The following NALF1 variants were observed in gnomAD, a reference collection of about 807,000 sequenced individuals.
NALF1 encodes the protein NALCN channel auxiliary factor 1, also known as family with sequence similarity 155 member A.
NALF1 carries 3 observed loss-of-function variants against 48.4 expected under a neutral mutation model. That is an observed-to-expected ratio of 0.06 (90% CI 0.03 to 0.16). The LOEUF is 0.16. NALF1 is among the 10% of genes least tolerant of loss of function. The probability of loss-of-function intolerance (pLI) is 1.00; values close to 1 mark genes in which losing one functional copy is unlikely to be tolerated. For missense variants in NALF1, 526 were observed against 571.5 expected (o/e 0.92, Z 0.81); for synonymous variants, 262 against 245.7 (o/e 1.07, Z -0.62).
At chr13:107,744,242 T>C (rs188576402) in intron 1 of NALF1, among the ~76,000 whole-genome samples, 29 of 152,304 alleles carry the variant, frequency 1.9e-4, no homozygotes, top group African/African-American at 7.0e-4. Context: ...GAATTTTCAT[T>C]TGCAAGAAAG....
intron 1 of NALF1, among the ~76,000 whole-genome samples, chr13:107,270,872 T>A (rs1003072267): frequency 1.2e-4 from 18 of 147,788 alleles, no homozygotes; most frequent in African/African-American, 4.2e-4. Context: ...TGTCCATGTG[T>A]TCTCATTGTT....
intron 1 of NALF1, among the ~76,000 whole-genome samples, chr13:107,543,847 G>C (rs1370561228): frequency 3.3e-5 from 5 of 151,722 alleles, no homozygotes; most frequent in African/African-American, 2.4e-5. Context: ...AAAACCTCTA[G>C]AGTTCTCAAA....
intron 1 of NALF1, among the ~76,000 whole-genome samples, chr13:107,698,187 T>C (rs998613040): frequency 2.6e-5 from 4 of 152,194 alleles, no homozygotes; most frequent in Non-Finnish European, 5.9e-5. Flanking sequence ...TGATAGAAAT[T>C]TAAGTTGTTT....
Position 107,361,756 on chromosome 13 carries a change from A to G in NALF1, c.916-151001T>C, listed in dbSNP as rs369438758. Among the ~76,000 whole-genome samples the G allele has an allele frequency of 1.4e-4, 22 of 152,326 alleles. No homozygotes were observed. In the East Asian group the frequency reaches 4.1e-3, roughly 28 times the overall value. Reference sequence around the variant, plus strand: ...ATATTAAGATCTCAATTTATAAGTAAGAAATCTAGTTAAGCCATTATCAAA... The same window carrying G: ...ATATTAAGATCTCAATTTATAAGTAGGAAATCTAGTTAAGCCATTATCAAA... On this transcript the variant is annotated intron_variant, in intron 1 of 2. Coordinates refer to ENST00000375915, the MANE Select transcript of NALF1 (RefSeq NM_001080396.3).
intron 1 of NALF1, among the ~76,000 whole-genome samples, chr13:107,794,309 T>A (rs1362934282): frequency 6.6e-6 from 1 of 152,158 alleles, no homozygotes; most frequent in Non-Finnish European, 1.5e-5. Context: ...ACCAGGGTTA[T>A]TTTCCTGTAG....
intron 1 of NALF1, among the ~76,000 whole-genome samples, chr13:107,619,482 T>C (rs1879467996): frequency 6.6e-6 from 1 of 152,146 alleles, no homozygotes; most frequent in Non-Finnish European, 1.5e-5. Context: ...TCGGTGGGCA[T>C]TTTGGAAGGA....
intron 1 of NALF1, among the ~76,000 whole-genome samples, chr13:107,241,676 C>T (rs1880474472): frequency 6.6e-6 from 1 of 152,212 alleles, no homozygotes; most frequent in African/African-American, 2.4e-5. Flanking sequence ...GTCTGTACTG[C>T]AGTTGCTTAG....
chr13:107,293,276 A>G (rs1881665002), intron 1 of NALF1, among the ~76,000 whole-genome samples: 1 of 152,094 alleles, frequency 6.6e-6, no homozygotes, highest in South Asian at 2.1e-4. Context: ...CACCGCGCTC[A>G]GCCAACTCTG....
chr13:107,848,102 GC>G (rs2138639906), intron 1 of NALF1, among the ~76,000 whole-genome samples: 1 of 152,260 alleles, frequency 6.6e-6, no homozygotes, highest in Non-Finnish European at 1.5e-5. Flanking sequence ...TTCATTGTTT[GC>G]CACTTTCAGC....
intron 1 of NALF1, among the ~76,000 whole-genome samples, chr13:107,800,855 A>C (rs778462081): frequency 4.0e-5 from 6 of 151,476 alleles, no homozygotes; most frequent in African/African-American, 7.3e-5. Flanking sequence ...TACTTGGTTT[A>C]AGTTATAGTA....
intron 1 of NALF1, among the ~76,000 whole-genome samples, chr13:107,482,400 C>T (rs1885267610): frequency 6.6e-6 from 1 of 152,128 alleles, no homozygotes; most frequent in South Asian, 2.1e-4. Context: ...TCGACTAATA[C>T]ACCCAGGGGC....
chr13:107,186,757 G>A (rs764822589), intron 2 of NALF1, among the ~76,000 whole-genome samples: 1 of 152,154 alleles, frequency 6.6e-6, no homozygotes, highest in Non-Finnish European at 1.5e-5. Flanking sequence ...ATAAAAAATT[G>A]TTACAGACAT....
chr13:107,176,705 G>C (rs1468969150), intron 2 of NALF1, among the ~76,000 whole-genome samples: 1 of 151,850 alleles, frequency 6.6e-6, no homozygotes, highest in African/African-American at 2.4e-5. Context: ...TGGCAGGTAA[G>C]AAAATCTCAA....
At position 107,488,692 on chromosome 13, in the gene NALF1, C is replaced by T. The variant is rs377334309; in HGVS notation, c.916-277937G>A. Among the ~76,000 whole-genome samples, 17 of 152,196 alleles carry T rather than the reference C, an allele frequency of 1.1e-4. No individual in the cohort carries two copies. In the South Asian group the frequency reaches 1.7e-3, roughly 15 times the overall value. Reference sequence around the variant, plus strand: ...GTACTAAATGGGCAAAAACTGCAAGCATTCCCCTTGAAAACTGGCACAAGA... The same window carrying T: ...GTACTAAATGGGCAAAAACTGCAAGTATTCCCCTTGAAAACTGGCACAAGA... On this transcript the variant is annotated intron_variant, in intron 1 of 2. Transcript: ENST00000375915.
chr13:107,537,127 G>A (rs1386881074), intron 1 of NALF1, among the ~76,000 whole-genome samples: 2 of 152,028 alleles, frequency 1.3e-5, no homozygotes, highest in African/African-American at 4.8e-5. Flanking sequence ...TATACCTAAT[G>A]TAAATGACGA....
intron 1 of NALF1, among the ~76,000 whole-genome samples, chr13:107,804,930 T>A (rs1437923432): frequency 6.6e-6 from 1 of 152,192 alleles, no homozygotes; most frequent in East Asian, 1.9e-4. Context: ...GCCTTATATA[T>A]TTAATCATAA....
At chr13:107,326,607 A>G (rs918147340) in intron 1 of NALF1, among the ~76,000 whole-genome samples, 1 of 152,186 alleles carries the variant, frequency 6.6e-6, no homozygotes, top group Non-Finnish European at 1.5e-5. Flanking sequence ...GATCACACTG[A>G]GAGGATTGAG....
intron 1 of NALF1, among the ~76,000 whole-genome samples, chr13:107,439,214 C>A (rs1884516437): frequency 6.6e-6 from 1 of 152,124 alleles, no homozygotes; most frequent in African/African-American, 2.4e-5. Flanking sequence ...AATATTTTTA[C>A]CATACTCTGA....
At chr13:107,172,952 T>C (rs1271831477) in intron 2 of NALF1, among the ~76,000 whole-genome samples, 3 of 152,172 alleles carry the variant, frequency 2.0e-5, no homozygotes, top group Non-Finnish European at 4.4e-5. Context: ...TCTGGCACAA[T>C]TAATATTCTT....
Sources: gnomAD v4.1 joint callset for allele counts (sites outside exome capture counted in the v4.1 genomes callset) on GRCh38, gnomAD v4.1.1 for gene constraint, MANE v1.5 for transcripts, NCBI Gene and HGNC (gene_info 2026-07-23, HGNC 2026-07-21) for gene names.